The following PUM1 variants were observed in gnomAD, a reference collection of about 807,000 sequenced individuals.
PUM1 encodes pumilio homolog 1.
Under a neutral mutation model 131.8 loss-of-function variants are expected in PUM1, and 13 were observed. The ratio of observed to expected loss-of-function variants is 0.10; its 90% confidence interval spans 0.06 to 0.16. The LOEUF is 0.16. Ranked by LOEUF, PUM1 falls within the 10% of genes least tolerant of loss-of-function variation. The probability of loss-of-function intolerance (pLI) is 1.00; values close to 1 mark genes in which losing one functional copy is unlikely to be tolerated. For missense variants in PUM1, 961 were observed against 1,512.4 expected (o/e 0.64, Z 6.05); for synonymous variants, 509 against 556.5 (o/e 0.91, Z 1.20).
chr1:30,956,286 C>T (rs935158929), intron 14 of PUM1, among the ~76,000 whole-genome samples: 9 of 151,562 alleles, frequency 5.9e-5, no homozygotes, highest in East Asian at 1.9e-4. Flanking sequence ...TTTTTTGAGA[C>T]GGAGTCTTGC....
At chr1:31,062,806 G>A (rs1169370584) in intron 1 of PUM1, among the ~76,000 whole-genome samples, 1 of 152,066 alleles carries the variant, frequency 6.6e-6, no homozygotes, top group African/African-American at 2.4e-5. Flanking sequence ...CTATCTCTCT[G>A]TTGAATAAAT....
At chr1:30,970,204 T>G (rs947097576) in intron 10 of PUM1, among the ~76,000 whole-genome samples, 5 of 152,104 alleles carry the variant, frequency 3.3e-5, no homozygotes, top group Admixed American at 6.5e-5. Context: ...AAGTTAGACA[T>G]ATGGTCAAGA....
chr1:31,036,135 T>C (rs1643603572), intron 2 of PUM1, among the ~76,000 whole-genome samples: 1 of 152,050 alleles, frequency 6.6e-6, no homozygotes, highest in Non-Finnish European at 1.5e-5. Flanking sequence ...AGTGGCACTA[T>C]CTCGGCTCAC....
At chr1:30,969,316 C>CAAAAAAAAAAAAAAA (rs763999971) in intron 10 of PUM1, among the ~76,000 whole-genome samples, 10 of 51,156 alleles carry the variant, frequency 2.0e-4, no homozygotes, top group African/African-American at 4.4e-4. Context: ...AACACACACA[C>CAAAAAAAAAAAAAAA]AAAAAAAAAA....
chr1:30,952,672 A>AGGG (rs1489893024), intron 15 of PUM1, among the ~76,000 whole-genome samples: 2 of 10,540 alleles, frequency 1.9e-4, no homozygotes, highest in Admixed American at 1.4e-3. Flanking sequence ...GGAAGATGAA[A>AGGG]GCGGGGGGGG....
chr1:30,971,267 C>T (rs569506126), intron 10 of PUM1, among the ~76,000 whole-genome samples: 2 of 152,252 alleles, frequency 1.3e-5, no homozygotes, highest in Admixed American at 1.3e-4. Context: ...TTAAAAAGAA[C>T]CTCTCATTTT....
chr1:31,035,755 TAA>T (rs796171418), intron 2 of PUM1, among the ~76,000 whole-genome samples: 2 of 132,750 alleles, frequency 1.5e-5, no homozygotes, highest in African/African-American at 2.7e-5. Flanking sequence ...CCATCTCAAA[TAA>T]AAAAAAAAAG....
At chr1:30,986,885 G>A (rs759849410) in intron 7 of PUM1, among the ~76,000 whole-genome samples, 17 of 152,080 alleles carry the variant, frequency 1.1e-4, no homozygotes, top group Admixed American at 2.0e-4. Context: ...TTGGCCTCAC[G>A]AGAATGACAT....
chr1:30,967,411 G>A (rs1041679897), intron 11 of PUM1, 101 bp from the exon 12 acceptor site: 79 of 1,178,846 alleles, frequency 6.7e-5, no homozygotes, highest in Non-Finnish European at 9.4e-5. Context: ...CTTTGAGGTT[G>A]AATTGGCCAG....
In PUM1 at chr1:31,065,650, C is replaced by T. The variant is rs1383267950; in HGVS notation, c.-46G>A. The T allele has an allele frequency of 4.5e-6, 7 of 1,549,422 alleles. No individual in the cohort carries two copies. The highest frequency in any genetic ancestry group is 1.7e-6 in the Non-Finnish European group (2 of 1,146,848). ...GGTAGGATGAAGATGGATTTCAGCC[C>T]CCCGATCTTCTCTCTCTGGCGCTCT... On this transcript the variant is annotated 5_prime_UTR_variant, in exon 1 of 22. Coordinates refer to ENST00000426105, the MANE Select transcript of PUM1 (RefSeq NM_001020658.2).
chr1:31,028,756 T>C (rs1167191563), intron 3 of PUM1, 40 bp downstream of exon 3: 1 of 1,530,744 alleles, frequency 6.5e-7, no homozygotes, highest in African/African-American at 1.4e-5. Context: ...AACCTTCCCT[T>C]AAAAACAGAC....
At chr1:30,954,985 C>G (rs1320396709) in intron 14 of PUM1, among the ~76,000 whole-genome samples, 1 of 151,884 alleles carries the variant, frequency 6.6e-6, no homozygotes, top group Non-Finnish European at 1.5e-5. Flanking sequence ...AGGAGGATCA[C>G]CTGAGCCCAG....
intron 1 of PUM1, among the ~76,000 whole-genome samples, chr1:31,062,784 A>C (rs1261581102): frequency 6.6e-6 from 1 of 152,224 alleles, no homozygotes; most frequent in South Asian, 2.1e-4. Context: ...AAACACATGA[A>C]TAACAAATCT....
chr1:31,058,304 C>G (rs1056522263), intron 2 of PUM1, among the ~76,000 whole-genome samples: 1 of 152,080 alleles, frequency 6.6e-6, no homozygotes, highest in Non-Finnish European at 1.5e-5. Context: ...TATAAACAAC[C>G]CTAGCAGTTC....
chr1:30,965,859 A>ATGT, intron 13 of PUM1, 123 bp downstream of exon 13: 1 of 995,908 alleles, frequency 1.0e-6, no homozygotes, highest in South Asian at 1.7e-5. Context: ...ATTATGTGGG[A>ATGT]TGGCTGGATT....
chr1:30,987,788 G>A (rs989423483), intron 7 of PUM1, among the ~76,000 whole-genome samples: 1 of 152,190 alleles, frequency 6.6e-6, no homozygotes, highest in Non-Finnish European at 1.5e-5. Flanking sequence ...TTTATCTCAT[G>A]CACATTTACC....
intron 12 of PUM1, 69 bp downstream of exon 12, chr1:30,967,098 C>T (rs1372695137): frequency 6.4e-7 from 1 of 1,573,096 alleles, no homozygotes; most frequent in East Asian, 2.3e-5. Flanking sequence ...TTTCAACATA[C>T]TTTAAGAATC....
intron 2 of PUM1, among the ~76,000 whole-genome samples, chr1:31,035,746 C>T (rs1228791032): frequency 6.6e-6 from 1 of 151,054 alleles, no homozygotes; most frequent in Non-Finnish European, 1.5e-5. Flanking sequence ...AGTGAAACTC[C>T]ATCTCAAATA....
intron 18 of PUM1, among the ~76,000 whole-genome samples, 178 bp from the exon 19 acceptor site, chr1:30,942,301 GGTGT>G (rs1297673535): frequency 2.8e-5 from 4 of 141,644 alleles, no homozygotes; most frequent in Non-Finnish European, 4.5e-5. Flanking sequence ...CATATAATAA[GGTGT>G]GTGTGTATCA....
Sources: allele counts gnomAD v4.1 joint callset (sites outside exome capture counted in the v4.1 genomes callset), GRCh38; gene constraint gnomAD v4.1.1; transcripts MANE v1.5; gene names NCBI Gene and HGNC (gene_info 2026-07-23, HGNC 2026-07-21).